Variants in TMEM8B observed in about 807,000 individuals in gnomAD.
The protein encoded by TMEM8B is nasopharyngeal carcinoma expressed 6.
A neutral mutation model predicts 49.3 loss-of-function variants in TMEM8B; 29 were observed. That is an observed-to-expected ratio of 0.59 (90% CI 0.44 to 0.80). The LOEUF is 0.80. TMEM8B is among the 30% of genes least tolerant of loss of function. TMEM8B has a pLI of 0.00. For synonymous variants in TMEM8B, 264 were observed against 272.8 expected, an observed-to-expected ratio of 0.97 and a Z score of 0.32; for missense variants, 575 against 658.5, an observed-to-expected ratio of 0.87 and a Z score of 1.39.
At chr9:35,850,781 A>G (rs1478677843) in intron 10 of TMEM8B, among the ~76,000 whole-genome samples, 4 of 152,188 alleles carry the variant, frequency 2.6e-5, no homozygotes, top group African/African-American at 9.7e-5. Flanking sequence ...AATATAGTAC[A>G]AATCTCTCTC....
chr9:35,841,972 G>T lies in TMEM8B; in HGVS notation c.1309+178G>T, dbSNP rs191132128. On this transcript the variant is annotated intron_variant, in intron 5 of 12. Transcript: ENST00000643932. The surrounding 1 kb of genome is among the most constrained non-coding windows in gnomAD (Gnocchi z 5.9). ...GCTCCAAGTTATTGGAAGGCCTTTA[G>T]ATAATTTTTTTTTTGCATCTGACTT... 1.1e-3 allele frequency among the ~76,000 whole-genome samples: 164 copies of T among 152,150 alleles called. No individual in the cohort carries two copies. The highest frequency in any genetic ancestry group is 3.3e-3 in the African/African-American group (135 of 41,464).
chr9:35,839,065 G>C (rs578257776), intron 3 of TMEM8B, among the ~76,000 whole-genome samples: 1 of 152,332 alleles, frequency 6.6e-6, no homozygotes, highest in Admixed American at 6.5e-5. Context: ...CTGGGCATGG[G>C]CTCAGCTGTG....
At chr9:35,847,689 C>T (rs1366414913) in intron 10 of TMEM8B, among the ~76,000 whole-genome samples, 2 of 152,182 alleles carry the variant, frequency 1.3e-5, no homozygotes, top group African/African-American at 4.8e-5. Context: ...CATATCACAT[C>T]CCAGCTCAAA....
intron 1 of TMEM8B, among the ~76,000 whole-genome samples, chr9:35,834,031 T>TACAC (rs377460934): frequency 0.25 from 34,363 of 138,126 alleles, 4,390 homozygotes; most frequent in Middle Eastern, 0.31. Flanking sequence ...CATGCCAAAA[T>TACAC]ACACACACAC....
In TMEM8B at chr9:35,863,336, TA is replaced by T. The variant is rs1588200147; in HGVS notation, c.*9498del. 1 of 152,304 alleles carries T rather than the reference TA, an allele frequency of 6.6e-6. No individual in the cohort carries two copies. The highest frequency in any genetic ancestry group is 1.9e-4 in the East Asian group (1 of 5,176). The allele number at this position is 152,304 out of a possible 1,614,324, so 9.4% of individuals were successfully genotyped here. A position where few individuals can be genotyped will look rare whatever the true frequency, so the allele number is the denominator to read the frequency against. ...TGCTCTTTCTGAAGAGCTACATCAG[TA>T]ACATGGTGGGTTTTCCTCACAACTT... is the stretch of plus-strand genomic sequence containing the variant. On this transcript the variant is annotated 3_prime_UTR_variant, in exon 13 of 13. Transcript: ENST00000643932.
Position 35,835,215 on chromosome 9 carries a change from C to T in TMEM8B, c.903C>T (p.Val301=), listed in dbSNP as rs547272451. The change falls in exon 3 of 13, where the codon GTC becomes GTT. Residue 301 remains valine, a synonymous_variant. Transcript: ENST00000643932. ...HLPQAHGHIS[V]KGLQDECQYL... ...CCCAGGCCCACGGCCACATCTCTGT[C>T]AAGGTGGGTTGATGTTGCCCAGGCT... is the stretch of plus-strand genomic sequence containing the variant. 9.6e-6 allele frequency: 4 copies of T among 415,610 alleles called. No homozygotes were observed. The highest frequency in any genetic ancestry group is 1.8e-5 in the Non-Finnish European group (4 of 226,414). The allele number at this position is 415,610 out of a possible 1,614,324, so 25.7% of individuals were successfully genotyped here. A position where few individuals can be genotyped will look rare whatever the true frequency, so the allele number is the denominator to read the frequency against.
chr9:35,840,814 A>G (rs990159034), intron 3 of TMEM8B, among the ~76,000 whole-genome samples: 1 of 152,172 alleles, frequency 6.6e-6, no homozygotes, highest in Non-Finnish European at 1.5e-5. Context: ...GGGCTGGCCC[A>G]GAATGCTCAG....
chr9:35,831,572 A>C (rs971534203), intron 1 of TMEM8B, among the ~76,000 whole-genome samples: 20 of 152,284 alleles, frequency 1.3e-4, no homozygotes, highest in Admixed American at 6.5e-5. Flanking sequence ...TCAGGTTTTC[A>C]GTTTTGGTAA....
rs1330299008 is a variant in TMEM8B, at chr9:35,829,591, C to G, written c.144C>G (p.Ala48=). Residue 48 remains alanine (A), a synonymous_variant, in exon 1 of 13, where the codon GCC becomes GCG. Coordinates refer to ENST00000643932, the MANE Select transcript of TMEM8B (RefSeq NM_001042590.4). ...SRTPFQSLPL[A]WPPSRPRPSF... is the part of the protein sequence containing the mutation. Reference sequence around the variant, plus strand: ...CCCCCTTCCAGTCTCTGCCCCTGGCCTGGCCCCCATCCCGGCCTCGGCCCT... The same window carrying G: ...CCCCCTTCCAGTCTCTGCCCCTGGCGTGGCCCCCATCCCGGCCTCGGCCCT... 5 of 399,826 alleles carry G rather than the reference C, an allele frequency of 1.3e-5. No homozygotes were observed. The East Asian group carries it at 1.4e-4, about 11-fold the overall frequency. 24.8% of individuals were successfully genotyped at this position (399,826 alleles called of 1,614,324 possible).
intron 6 of TMEM8B, among the ~76,000 whole-genome samples, chr9:35,844,253 C>G (rs958369216): frequency 6.6e-6 from 1 of 152,236 alleles, no homozygotes; most frequent in Non-Finnish European, 1.5e-5. Flanking sequence ...GTTTGGAACT[C>G]GGGCCTTCTC....
chr9:35,851,628 G>A (rs1588180936), intron 10 of TMEM8B, among the ~76,000 whole-genome samples: 1 of 152,168 alleles, frequency 6.6e-6, no homozygotes. Context: ...GTCTCTTTTT[G>A]CAGGAGCAAA....
At chr9:35,840,876 G>A (rs774101439) in intron 3 of TMEM8B, among the ~76,000 whole-genome samples, 1 of 152,104 alleles carries the variant, frequency 6.6e-6, no homozygotes, top group African/African-American at 2.4e-5. Flanking sequence ...TTGTCAGGAG[G>A]GCCTGGGTTT....
intron 6 of TMEM8B, chr9:35,845,534 T>C: frequency 7.1e-6 from 7 of 985,454 alleles, no homozygotes; most frequent in African/African-American, 1.7e-5. Flanking sequence ...TCATTTCACC[T>C]GAGTTGGAGT....
At chr9:35,834,031 T>TATACACACAC (rs1554679975) in intron 1 of TMEM8B, among the ~76,000 whole-genome samples, 4 of 138,322 alleles carry the variant, frequency 2.9e-5, no homozygotes, top group African/African-American at 1.1e-4. Flanking sequence ...CATGCCAAAA[T>TATACACACAC]ACACACACAC....
rs998262616 is a variant in TMEM8B, at chr9:35,841,182, C to T, written c.955C>T (p.Arg319Trp). Reference sequence around the variant, plus strand: ...CCTCCTTCAGCCGCAGCTGATTGTCCGGCGTTTGCTGGACGTCGCTGTGCT... The same window carrying T: ...CCTCCTTCAGCCGCAGCTGATTGTCTGGCGTTTGCTGGACGTCGCTGTGCT... ...QYLLQPQLIV[R>W]RLLDVAVLVP... is the part of the protein sequence containing the mutation. The change falls in exon 4 of 13, where the codon CGG becomes TGG. Residue 319 changes from arginine to tryptophan, a missense_variant. Arg to Trp is a moderately radical substitution (Grantham distance 101). Coordinates refer to ENST00000643932, the MANE Select transcript of TMEM8B (RefSeq NM_001042590.4). This position sits in a 1 kb window ranked among gnomAD's most constrained non-coding sequence, Gnocchi z 5.9. 9 of 415,888 alleles carry T rather than the reference C, an allele frequency of 2.2e-5. No homozygotes were observed. Among genetic ancestry groups the T allele is most frequent in the Middle Eastern group, 6.1e-4 (2 of 3,254 alleles). 25.8% of individuals were successfully genotyped at this position (415,888 alleles called of 1,614,324 possible). A position where few individuals can be genotyped will look rare whatever the true frequency, so the allele number is the denominator to read the frequency against.
At chr9:35,849,500 T>C (rs909426632) in intron 10 of TMEM8B, among the ~76,000 whole-genome samples, 3 of 152,264 alleles carry the variant, frequency 2.0e-5, no homozygotes, top group Non-Finnish European at 4.4e-5. Flanking sequence ...TTATAGTTGA[T>C]ACATGCTTTT....
intron 7 of TMEM8B, 79 bp downstream of exon 7, chr9:35,846,147 A>T (rs1035895944): frequency 4.4e-6 from 7 of 1,607,284 alleles, no homozygotes; most frequent in Non-Finnish European, 5.1e-6. Flanking sequence ...GTGGGGAGGG[A>T]TGGAATGGAG....
Position 35,829,411 on chromosome 9 carries a change from C to G in TMEM8B, c.-37C>G, listed in dbSNP as rs1829605247. On this transcript the variant is annotated 5_prime_UTR_variant, in exon 1 of 13. Transcript: ENST00000643932. ...CCGCGGGCCAGCTCTGCGAGCGCCC[C>G]GCGCTGGCCTGTCCGGCCCCGCCCC... The G allele has an allele frequency of 1.4e-5, 5 of 345,674 alleles. No individual in the cohort carries two copies. The East Asian group carries it at 2.1e-4, about 15-fold the overall frequency. The allele number at this position is 345,674 out of a possible 1,614,324, so 21.4% of individuals were successfully genotyped here.
intron 6 of TMEM8B, among the ~76,000 whole-genome samples, chr9:35,844,850 G>T (rs532843955): frequency 6.6e-6 from 1 of 152,310 alleles, no homozygotes; most frequent in East Asian, 1.9e-4. Flanking sequence ...TGCATTCTAT[G>T]ACGCGTGCTA....
Sources: allele counts gnomAD v4.1 joint callset (sites outside exome capture counted in the v4.1 genomes callset), GRCh38; gene constraint gnomAD v4.1.1; non-coding constraint Gnocchi (gnomAD v3.1); transcripts MANE v1.5; gene names NCBI Gene and HGNC (gene_info 2026-07-23, HGNC 2026-07-21).